MOSMO: variants seen among roughly 807,000 people sequenced by gnomAD.
MOSMO encodes the protein modulator of smoothened.
In MOSMO, 5 loss-of-function variants were observed where a neutral mutation model predicts 18.4. The observed-to-expected ratio is 0.27, with a 90% confidence interval of 0.14 to 0.57. The LOEUF (loss-of-function observed/expected upper bound fraction) is 0.57. Among genes scored for constraint, MOSMO ranks in the 20% least tolerant of loss-of-function variants. The pLI, the probability that MOSMO is intolerant of heterozygous loss-of-function variation, is 0.92. For missense variants in MOSMO, 138 were observed against 211.8 expected (o/e 0.65, Z 2.16); for synonymous variants, 82 against 82.3 (o/e 1.00, Z 0.02).
chr16:22,042,763 A>G (rs1900233842), intron 1 of MOSMO, among the ~76,000 whole-genome samples: 1 of 152,228 alleles, frequency 6.6e-6, no homozygotes. Flanking sequence ...CCAGGCTCGC[A>G]AAAACGGGAG....
intron 1 of MOSMO, among the ~76,000 whole-genome samples, chr16:22,048,076 AG>A (rs1348376873): frequency 3.3e-5 from 5 of 152,218 alleles, no homozygotes; most frequent in Non-Finnish European, 1.5e-5. Context: ...GGTATCTTCA[AG>A]GGAGATCTTG....
At chr16:22,045,303 T>C (rs1250924126) in intron 1 of MOSMO, among the ~76,000 whole-genome samples, 1 of 152,128 alleles carries the variant, frequency 6.6e-6, no homozygotes, top group Non-Finnish European at 1.5e-5. Context: ...AGTGTAAAGT[T>C]TGGGTATTTT....
intron 1 of MOSMO, among the ~76,000 whole-genome samples, chr16:22,037,468 G>A (rs1315781701): frequency 1.3e-5 from 2 of 152,062 alleles, no homozygotes; most frequent in Non-Finnish European, 2.9e-5. Flanking sequence ...GCAATTCTAC[G>A]GCAAGTATCA....
chr16:22,029,615 A>T (rs1457747624), intron 1 of MOSMO, among the ~76,000 whole-genome samples: 1 of 152,156 alleles, frequency 6.6e-6, no homozygotes, highest in Non-Finnish European at 1.5e-5. Context: ...AGTAGAATTA[A>T]TTAACTAATT....
intron 1 of MOSMO, among the ~76,000 whole-genome samples, chr16:22,019,919 A>G (rs772005331): frequency 1.3e-5 from 2 of 152,120 alleles, no homozygotes; most frequent in Non-Finnish European, 2.9e-5. Flanking sequence ...TTTTTAAAAA[A>G]TGTATCAGTT....
intron 1 of MOSMO, among the ~76,000 whole-genome samples, chr16:22,059,942 T>C (rs1295927401): frequency 6.6e-6 from 1 of 152,106 alleles, no homozygotes; most frequent in South Asian, 2.1e-4. Flanking sequence ...TTTGGGAGGC[T>C]GAGGCAGGTG....
chr16:22,028,532 C>T (rs926325429), intron 1 of MOSMO, among the ~76,000 whole-genome samples: 1 of 151,962 alleles, frequency 6.6e-6, no homozygotes, highest in Non-Finnish European at 1.5e-5. Context: ...AAACTCTACA[C>T]CCATTAAACA....
At chr16:22,086,705 A>G (rs1172183350), downstream of MOSMO, among the ~76,000 whole-genome samples, 2 of 152,230 alleles carry the variant, frequency 1.3e-5, no homozygotes, top group Non-Finnish European at 2.9e-5. Flanking sequence ...CCAAGCACAT[A>G]GTAAGCATTC....
intron 1 of MOSMO, among the ~76,000 whole-genome samples, chr16:22,069,261 A>G (rs1261049514): frequency 6.6e-6 from 1 of 152,214 alleles, no homozygotes; most frequent in Non-Finnish European, 1.5e-5. Context: ...AACAGCATAT[A>G]TGAGGGCCTG....
chr16:22,030,534 C>G (rs1406877456), intron 1 of MOSMO, among the ~76,000 whole-genome samples: 1 of 152,116 alleles, frequency 6.6e-6, no homozygotes, highest in Non-Finnish European at 1.5e-5. Flanking sequence ...TCATTTTTAA[C>G]TATTCCTCTC....
chr16:22,012,926 C>T (rs574515268), intron 1 of MOSMO, among the ~76,000 whole-genome samples: 1 of 152,194 alleles, frequency 6.6e-6, no homozygotes, highest in African/African-American at 2.4e-5. Context: ...CTTGTAATGG[C>T]TTGTGGATTA....
At chr16:22,076,496 C>A (rs2141781566) in intron 2 of MOSMO, 1 of 152,234 alleles carries the variant, frequency 6.6e-6, no homozygotes, top group East Asian at 1.9e-4. Context: ...GACAGCCCCC[C>A]ACAACAAAGA....
At chr16:22,054,217 T>C (rs1004930135) in intron 1 of MOSMO, among the ~76,000 whole-genome samples, 7 of 152,030 alleles carry the variant, frequency 4.6e-5, no homozygotes, top group African/African-American at 1.7e-4. Context: ...TGCCTTAGCC[T>C]CCCTAGTAAC....
At chr16:22,075,824 C>T in intron 2 of MOSMO, 125 bp downstream of exon 2, 1 of 691,356 alleles carries the variant, frequency 1.4e-6, no homozygotes, top group Non-Finnish European at 2.5e-6. Context: ...TTGTGTATGG[C>T]CGTGAGATAG....
intron 1 of MOSMO, among the ~76,000 whole-genome samples, chr16:22,058,380 C>T (rs1364279781): frequency 1.3e-5 from 2 of 149,568 alleles, no homozygotes; most frequent in Admixed American, 1.3e-4. Context: ...GAGCCGAGAT[C>T]GCGCCACTGC....
intron 1 of MOSMO, 127 bp downstream of exon 1, chr16:22,008,534 G>A (rs12922342): frequency 6.6e-6 from 4 of 604,104 alleles, no homozygotes; most frequent in African/African-American, 3.9e-5. Context: ...GAGACCGGGG[G>A]CGGAGGGGAG....
intron 1 of MOSMO, among the ~76,000 whole-genome samples, chr16:22,052,199 G>A (rs1277324917): frequency 4.6e-5 from 7 of 152,218 alleles, no homozygotes; most frequent in African/African-American, 1.7e-4. Context: ...GGGAAATATT[G>A]GAGAGTTGCC....
downstream of MOSMO, chr16:22,087,392 A>G (rs1567518655): frequency 6.6e-6 from 1 of 152,214 alleles, no homozygotes. Flanking sequence ...TATTAAATCA[A>G]TCCCCATTCA....
Position 22,008,235 on chromosome 16 carries a change from A to G in MOSMO, c.-67A>G, listed in dbSNP as rs1230014400. ...GGACTCCGGGCCCCGGCGGCGGCCC[A>G]TGGGGCGGGAGGCGTGAGGCCGCTG... On this transcript the variant is annotated 5_prime_UTR_variant, in exon 1 of 3. An upstream start codon of the reference 5' UTR is lost. Transcript: ENST00000542527. 3 of 875,226 alleles carry G rather than the reference A, an allele frequency of 3.4e-6. No homozygotes were observed. The highest frequency in any genetic ancestry group is 3.1e-5 in the African/African-American group (1 of 32,550). The allele number at this position is 875,226 out of a possible 1,614,324, so 54.2% of individuals were successfully genotyped here.
Sources: allele counts gnomAD v4.1 joint callset (sites outside exome capture counted in the v4.1 genomes callset), GRCh38; gene constraint gnomAD v4.1.1; transcripts MANE v1.5; gene names NCBI Gene and HGNC (gene_info 2026-07-23, HGNC 2026-07-21).